Variants in TCF12 observed in about 807,000 individuals in gnomAD.
TCF12 encodes the protein transcription factor 12, also known as DNA-binding protein HTF4.
In TCF12, 45 loss-of-function variants were observed where a neutral mutation model predicts 86.0. The ratio of observed to expected loss-of-function variants is 0.52; its 90% CI spans 0.41 to 0.67. TCF12 has a LOEUF of 0.67. Ranked by LOEUF, TCF12 falls within the 30% of genes least tolerant of loss-of-function variation. The probability of loss-of-function intolerance (pLI) is 0.00; values close to 1 mark genes in which losing one functional copy is unlikely to be tolerated. For missense variants in TCF12, 881 were observed against 859.9 expected (o/e 1.02, Z -0.31); for synonymous variants, 330 against 299.6 (o/e 1.10, Z -1.05).
At position 57,251,386 on chromosome 15, in the gene TCF12, C is replaced by T; in HGVS notation, c.1151C>T (p.Pro384Leu). 1 of 1,613,922 alleles carries T rather than the reference C, an allele frequency of 6.2e-7. No homozygotes were observed. Among genetic ancestry groups the T allele is most frequent in the East Asian group, 2.2e-5 (1 of 44,848 alleles). ...TGGCCAAGACCTGGAGGGCAAGCAC[C>T]TTCATCCCCAAGCTATGAAAACTCA... ...SQWPRPGGQA[P>L]SSPSYENSLH... Residue 384 changes from proline to leucine, a missense_variant, in exon 14 of 21, where the codon CCT becomes CTT. By Grantham distance (98) the Pro-to-Leu change is moderately conservative. Transcript: ENST00000333725.
At position 57,192,014 on chromosome 15, in the gene TCF12, C is replaced by A. The variant is rs2733301; in HGVS notation, c.391-144C>A. The A allele has an allele frequency of 3.4e-3, 2,798 of 816,992 alleles. 62 individuals carry two copies. The African/African-American group carries it at 0.043, about 13-fold the overall frequency. 50.6% of individuals were successfully genotyped at this position (816,992 alleles called of 1,614,324 possible). A position where few individuals can be genotyped will look rare whatever the true frequency, so the allele number is the denominator to read the frequency against. ...GTAGGTATGGGCTGAAAGCAGTGGT[C>A]TAATTGAATTCAAAACGTACTTAAT... On this transcript the variant is annotated intron_variant, in intron 6 of 20. Coordinates refer to ENST00000333725, the MANE Select transcript of TCF12 (RefSeq NM_207037.2).
chr15:57,086,960 G>A (rs1172932057), intron 4 of TCF12, among the ~76,000 whole-genome samples: 1 of 151,928 alleles, frequency 6.6e-6, no homozygotes, highest in Non-Finnish European at 1.5e-5. Flanking sequence ...TTTTTGAGGT[G>A]AGAAACCAGA....
At chr15:57,254,807 A>ATGTTCATG (rs2060269019) in intron 16 of TCF12, among the ~76,000 whole-genome samples, 1 of 89,674 alleles carries the variant, frequency 1.1e-5, no homozygotes, top group South Asian at 3.8e-4. Flanking sequence ...GCAGTGAGCC[A>ATGTTCATG]TGTTCATGCT....
chr15:57,030,096 CCTG>C (rs1327390349), intron 3 of TCF12, among the ~76,000 whole-genome samples: 1 of 151,964 alleles, frequency 6.6e-6, no homozygotes, highest in Non-Finnish European at 1.5e-5. Context: ...TCAAATCTCA[CCTG>C]GGAATAAGAT....
At chr15:56,932,879 A>G (rs1470550417) in intron 3 of TCF12, among the ~76,000 whole-genome samples, 1 of 152,208 alleles carries the variant, frequency 6.6e-6, no homozygotes, top group East Asian at 1.9e-4. Context: ...AAAACAGTAT[A>G]ATTAAAAGCC....
At chr15:57,056,819 T>C (rs1333435883) in intron 3 of TCF12, among the ~76,000 whole-genome samples, 2 of 151,976 alleles carry the variant, frequency 1.3e-5, no homozygotes, top group African/African-American at 4.8e-5. Context: ...TTTTTTTTTT[T>C]TCATTAAAAG....
intron 4 of TCF12, among the ~76,000 whole-genome samples, chr15:57,064,402 A>G (rs2068693004): frequency 6.6e-6 from 1 of 152,240 alleles, no homozygotes; most frequent in South Asian, 2.1e-4. Flanking sequence ...CCAAAGCTTT[A>G]TAAAATGAGA....
At chr15:57,220,030 T>C (rs1463303285) in intron 8 of TCF12, among the ~76,000 whole-genome samples, 1 of 152,100 alleles carries the variant, frequency 6.6e-6, no homozygotes. Flanking sequence ...CCAGCCTAGA[T>C]TGTAGATTTC....
rs185042225 is a variant in TCF12, at chr15:57,092,541, G to A, written c.325+650G>A. On this transcript the variant is annotated intron_variant, in intron 5 of 20. Transcript: ENST00000333725. ...TCCTTTCTCCTTCTCTGTCTCAAAT[G>A]AAAGTTTAAAGTTGTTCAGTCTAAA... Among the ~76,000 whole-genome samples the A allele has an allele frequency of 3.6e-3, 555 of 152,102 alleles. 5 individuals carry two copies. The highest frequency in any genetic ancestry group is 0.013 in the African/African-American group (528 of 41,510).
intron 13 of TCF12, 49 bp from the exon 14 acceptor site, chr15:57,251,301 A>G (rs1367671432): frequency 3.4e-6 from 5 of 1,475,470 alleles, no homozygotes; most frequent in Non-Finnish European, 3.8e-6. Flanking sequence ...CAACATTATC[A>G]AGATCACTGA....
Position 57,269,212 on chromosome 15 carries a change from A to G in TCF12, c.1746-3818A>G, listed in dbSNP as rs182873375. On this transcript the variant is annotated intron_variant, in intron 18 of 20. Transcript: ENST00000333725. ...GCTTTATGAATCTGGGTGCTCGTGT[A>G]TTGGGTGTGTATATATTTGGGATAG... Among the ~76,000 whole-genome samples, 595 of 152,078 alleles carry G rather than the reference A, an allele frequency of 3.9e-3. 2 individuals carry two copies. Among genetic ancestry groups the G allele is most frequent in the African/African-American group, 0.014 (576 of 41,494 alleles).
chr15:57,114,824 A>G (rs1188753692), intron 5 of TCF12, among the ~76,000 whole-genome samples: 1 of 152,236 alleles, frequency 6.6e-6, no homozygotes, highest in Non-Finnish European at 1.5e-5. Context: ...GGCATCTAGC[A>G]TAATGCTTTG....
chr15:57,102,090 A>G (rs1363926321), intron 5 of TCF12, among the ~76,000 whole-genome samples: 4 of 151,354 alleles, frequency 2.6e-5, no homozygotes, highest in Admixed American at 1.3e-4. Context: ...CCATAAACAT[A>G]TAATTCATGG....
intron 3 of TCF12, among the ~76,000 whole-genome samples, chr15:56,925,574 CTCTTAAACAATTGGTAG>C (rs1374503157): frequency 2.0e-5 from 3 of 152,166 alleles, no homozygotes; most frequent in African/African-American, 7.2e-5. Flanking sequence ...GTCTTTTCTG[CTCTTAAACAATTGGTAG>C]TCTTTTCCTG....
chr15:56,984,060 T>C (rs2063038520), intron 3 of TCF12, among the ~76,000 whole-genome samples: 1 of 149,118 alleles, frequency 6.7e-6, no homozygotes, highest in South Asian at 2.1e-4. Flanking sequence ...CCTCTTTTTG[T>C]TTAGTGTTTC....
intron 5 of TCF12, among the ~76,000 whole-genome samples, chr15:57,144,821 T>G (rs2053242614): frequency 1.3e-5 from 2 of 152,042 alleles, no homozygotes; most frequent in African/African-American, 4.8e-5. Flanking sequence ...AGGGTGGTCT[T>G]AAACTCCTGA....
At chr15:57,102,957 A>G (rs561932259) in intron 5 of TCF12, among the ~76,000 whole-genome samples, 12 of 152,276 alleles carry the variant, frequency 7.9e-5, no homozygotes, top group Admixed American at 6.5e-4. Flanking sequence ...CTATATTGGG[A>G]GAGGAAAAGG....
rs1479190110 is a variant in TCF12, at chr15:57,232,808, G to A, written c.922G>A (p.Val308Ile). 1.6e-5 allele frequency: 25 copies of A among 1,611,832 alleles called. No individual in the cohort carries two copies. In the East Asian group the frequency reaches 1.6e-4, roughly 10 times the overall value. Residue 308 changes from valine to isoleucine, a missense_variant, in exon 11 of 21, where the codon GTT (valine) becomes ATT (isoleucine). Physicochemically the swap from Val to Ile is conservative, Grantham distance 29. Transcript: ENST00000333725. ...HRGSTSSSPY[V>I]AASHTPPING... ...CGGCAGTACCAGCAGTTCACCTTAC[G>A]TTGCTGCCTCACACACTCCTCCCAT...
intron 5 of TCF12, among the ~76,000 whole-genome samples, chr15:57,156,344 A>T (rs572197306): frequency 1.3e-5 from 2 of 152,062 alleles, no homozygotes; most frequent in African/African-American, 4.8e-5. Flanking sequence ...TTTTTTAGGT[A>T]AAAAAAACTG....
Sources: gnomAD v4.1 joint callset for allele counts (sites outside exome capture counted in the v4.1 genomes callset) on GRCh38, gnomAD v4.1.1 for gene constraint, MANE v1.5 for transcripts, NCBI Gene and HGNC (gene_info 2026-07-23, HGNC 2026-07-21) for gene names.